The following C18orf63 variants were observed in gnomAD, a reference collection of about 807,000 sequenced individuals.
C18orf63 encodes the protein uncharacterized protein C18orf63.
A neutral mutation model predicts 75.3 loss-of-function variants in C18orf63; 50 were observed. The observed-to-expected ratio is 0.66, with a 90% CI of 0.53 to 0.84. C18orf63 has a LOEUF of 0.84. Among genes scored for constraint, C18orf63 ranks in the 40% least tolerant of loss-of-function variants. C18orf63 has a pLI of 0.00. For synonymous variants in C18orf63, 232 were observed against 267.6 expected (o/e 0.87, Z 1.30); for missense variants, 732 against 800.2 (o/e 0.91, Z 1.03).
In C18orf63 at chr18:74,354,217, GCAT is replaced by G; in HGVS notation, c.1954_1956del (p.His652del). 6.5e-6 allele frequency: 10 copies of G among 1,535,852 alleles called. No homozygotes were observed. Among genetic ancestry groups the G allele is most frequent in the Non-Finnish European group, 8.7e-6 (10 of 1,146,836 alleles). ...CAGAGTCTTCCAAAACTTCAAAGAAGCATCATTCCGATACTGTGCACTATGGCC... is the reference window on the plus strand; with the variant it reads ...CAGAGTCTTCCAAAACTTCAAAGAAGCATTCCGATACTGTGCACTATGGCC... On this transcript the variant is annotated inframe_deletion, in exon 12 of 14. Coordinates refer to ENST00000579455, the MANE Select transcript of C18orf63 (RefSeq NM_001174123.2).
intron 1 of C18orf63, 70 bp from the exon 2 acceptor site, chr18:74,317,760 TTGTG>T: frequency 4.9e-6 from 4 of 819,510 alleles, no homozygotes; most frequent in Non-Finnish European, 6.9e-6. Context: ...ATATCAAATA[TTGTG>T]TGCTGACTTG....
chr18:74,335,255 T>G (rs1171888796), intron 7 of C18orf63, among the ~76,000 whole-genome samples: 2 of 152,134 alleles, frequency 1.3e-5, no homozygotes, highest in African/African-American at 2.4e-5. Context: ...TGACTTTTGT[T>G]TCTAAATTCT....
intron 8 of C18orf63, among the ~76,000 whole-genome samples, chr18:74,341,775 G>T (rs1035328598): frequency 6.6e-6 from 1 of 151,478 alleles, no homozygotes; most frequent in Admixed American, 6.6e-5. Flanking sequence ...TAATTAGCTC[G>T]ACTTAGCAAT....
chr18:74,317,667 G>A (rs1426780854), intron 1 of C18orf63, among the ~76,000 whole-genome samples, 167 bp from the exon 2 acceptor site: 1 of 152,152 alleles, frequency 6.6e-6, no homozygotes, highest in Non-Finnish European at 1.5e-5. Context: ...AAAATCATTA[G>A]AAGACCTTAA....
chr18:74,337,661 T>C (rs1984414182), intron 7 of C18orf63, among the ~76,000 whole-genome samples: 1 of 152,164 alleles, frequency 6.6e-6, no homozygotes, highest in Admixed American at 6.5e-5. Flanking sequence ...GCAAGATTTA[T>C]CTCTTGTGCA....
At chr18:74,336,872 C>T (rs1984400187) in intron 7 of C18orf63, among the ~76,000 whole-genome samples, 1 of 152,100 alleles carries the variant, frequency 6.6e-6, no homozygotes, top group Admixed American at 6.5e-5. Context: ...CTCTTTCTCA[C>T]TTTCTCTTTC....
chr18:74,319,076 A>G (rs539855607), intron 2 of C18orf63, among the ~76,000 whole-genome samples: 1 of 152,284 alleles, frequency 6.6e-6, no homozygotes, highest in East Asian at 1.9e-4. Flanking sequence ...GGCATCAGGG[A>G]GCCTGTACCC....
rs545057449 is a variant in C18orf63, at chr18:74,329,310, G to T, written c.424+274G>T. On this transcript the variant is annotated intron_variant, in intron 6 of 13. Transcript: ENST00000579455. ...AGCCAGTTGAGCACAGGAGGTTGAG[G>T]CTGCAGTGAGCCATGATTGTGCCAC... Among the ~76,000 whole-genome samples, 6 of 150,484 alleles carry T rather than the reference G, an allele frequency of 4.0e-5. 1 individual carries two copies. The South Asian group carries it at 1.3e-3, about 32-fold the overall frequency.
At chr18:74,342,792 TA>T (rs1487585276) in intron 10 of C18orf63, among the ~76,000 whole-genome samples, 1 of 152,112 alleles carries the variant, frequency 6.6e-6, no homozygotes, top group Non-Finnish European at 1.5e-5. Flanking sequence ...CTTAAGAAAA[TA>T]TCTTTTAAAC....
In C18orf63 at chr18:74,353,939, G is replaced by A. The variant is rs1219617228; in HGVS notation, c.1672G>A (p.Val558Ile). Residue 558 changes from valine (V) to isoleucine (I), a missense_variant, in exon 12 of 14, where the codon GTA becomes ATA. Coordinates refer to ENST00000579455, the MANE Select transcript of C18orf63 (RefSeq NM_001174123.2). The stretch of plus-strand genomic sequence containing the variant: ...GGTGTCAAATAACAATTTAGGGGTG[G>A]TAAAAAGTGCTGTTGACTTCCAAAT... ...FVVSNNNLGV[V>I]KSAVDFQMKG... The A allele has an allele frequency of 6.5e-7, 1 of 1,536,078 alleles. No individual in the cohort carries two copies. The highest frequency in any genetic ancestry group is 8.7e-7 in the Non-Finnish European group (1 of 1,146,834).
chr18:74,329,569 T>C (rs1451368633), intron 6 of C18orf63, among the ~76,000 whole-genome samples: 1 of 152,128 alleles, frequency 6.6e-6, no homozygotes, highest in Non-Finnish European at 1.5e-5. Context: ...TATATTTTTA[T>C]TCTCTCTACT....
Position 74,339,054 on chromosome 18 carries a change from A to C in C18orf63, c.611+230A>C, listed in dbSNP as rs956275559. ...TATATATTCACATCTTATTAGATCT[A>C]GTTTCAAAAAAGGTAATATTTCTAA... is the stretch of plus-strand genomic sequence containing the variant. On this transcript the variant is annotated intron_variant, in intron 8 of 13. Coordinates refer to ENST00000579455, the MANE Select transcript of C18orf63 (RefSeq NM_001174123.2). Among the ~76,000 whole-genome samples, 7 of 152,126 alleles carry C rather than the reference A, an allele frequency of 4.6e-5. No individual in the cohort carries two copies. The East Asian group carries it at 1.3e-3, about 29-fold the overall frequency.
chr18:74,344,629 T>G (rs1157560266), intron 11 of C18orf63, among the ~76,000 whole-genome samples: 2 of 152,140 alleles, frequency 1.3e-5, no homozygotes, highest in Non-Finnish European at 2.9e-5. Context: ...AAACATCATA[T>G]TTCATTTTGC....
intron 11 of C18orf63, among the ~76,000 whole-genome samples, chr18:74,345,761 G>T (rs952401226): frequency 9.9e-5 from 15 of 151,944 alleles, no homozygotes; most frequent in African/African-American, 3.6e-4. Context: ...TGGTCAGTTT[G>T]TTGATCCTAG....
Position 74,353,830 on chromosome 18 carries a change from T to G in C18orf63, c.1563T>G (p.Asn521Lys). 1 of 1,535,924 alleles carries G rather than the reference T, an allele frequency of 6.5e-7. No homozygotes were observed. Among genetic ancestry groups the G allele is most frequent in the Non-Finnish European group, 8.7e-7 (1 of 1,146,836 alleles). The change falls in exon 12 of 14, where the codon AAT becomes AAG. Residue 521 changes from asparagine to lysine, a missense_variant. Coordinates refer to ENST00000579455, the MANE Select transcript of C18orf63 (RefSeq NM_001174123.2). ...LQEKNTESSE[N>K]MTKFPSSRGK... ...AAAAAAATACAGAGTCTTCTGAAAA[T>G]ATGACAAAATTTCCCTCTTCTCGTG...
Position 74,357,868 on chromosome 18 carries a change from C to G in C18orf63, c.*1421C>G, listed in dbSNP as rs1382935603. The G allele has an allele frequency of 6.6e-6, 1 of 151,882 alleles. No homozygotes were observed. The highest frequency in any genetic ancestry group is 1.5e-5 in the Non-Finnish European group (1 of 68,004). 9.4% of individuals were successfully genotyped at this position (151,882 alleles called of 1,614,324 possible). A position where few individuals can be genotyped will look rare whatever the true frequency, so the allele number is the denominator to read the frequency against. On this transcript the variant is annotated 3_prime_UTR_variant, in exon 14 of 14. Transcript: ENST00000579455. The stretch of plus-strand genomic sequence containing the variant: ...CATTTTGAGTGTGCTTTTCTCATTC[C>G]AAAGTTTGTATTATAGATATCTAGT...
intron 7 of C18orf63, among the ~76,000 whole-genome samples, chr18:74,338,299 A>G (rs1175677315): frequency 6.6e-6 from 1 of 152,172 alleles, no homozygotes; most frequent in African/African-American, 2.4e-5. Context: ...TTCTCCTCCA[A>G]AAGACCAGAT....
chr18:74,340,629 A>T (rs1370555186), intron 8 of C18orf63, among the ~76,000 whole-genome samples: 1 of 152,174 alleles, frequency 6.6e-6, no homozygotes, highest in Non-Finnish European at 1.5e-5. Context: ...AGATGAATGG[A>T]TAAAGAAGTA....
At chr18:74,329,373 CAAAAAA>C (rs5826314) in intron 6 of C18orf63, among the ~76,000 whole-genome samples, 12 of 94,316 alleles carry the variant, frequency 1.3e-4, no homozygotes, top group African/African-American at 4.5e-4. Flanking sequence ...GACCCTATTT[CAAAAAA>C]AAAAAAAAAA....
Sources: gnomAD v4.1 joint callset for allele counts (sites outside exome capture counted in the v4.1 genomes callset) on GRCh38, gnomAD v4.1.1 for gene constraint, MANE v1.5 for transcripts, NCBI Gene and HGNC (gene_info 2026-07-23, HGNC 2026-07-21) for gene names.